The following PIAS1 variants were observed in gnomAD, a reference collection of about 807,000 sequenced individuals.
The protein encoded by PIAS1 is E3 SUMO-protein ligase PIAS1.
PIAS1 carries 6 observed loss-of-function variants against 71.3 expected under a neutral mutation model. The observed-to-expected ratio is 0.08, with a 90% CI of 0.05 to 0.17. The LOEUF (loss-of-function observed/expected upper bound fraction) is 0.17, where lower values mean the gene tolerates loss of function less well. PIAS1 is among the 10% of genes least tolerant of loss of function. The probability of loss-of-function intolerance (pLI) is 1.00; values close to 1 mark genes in which losing one functional copy is unlikely to be tolerated. For missense variants in PIAS1, 555 were observed against 793.6 expected, an observed-to-expected ratio of 0.70 and a Z score of 3.61; for synonymous variants, 303 against 292.9, an observed-to-expected ratio of 1.03 and a Z score of -0.35.
At chr15:68,136,769 C>A (rs1210798629) in intron 2 of PIAS1, among the ~76,000 whole-genome samples, 1 of 152,036 alleles carries the variant, frequency 6.6e-6, no homozygotes, top group African/African-American at 2.4e-5. Flanking sequence ...ACATAAAAAT[C>A]TTTTATATCA....
rs1269286574 is a variant in PIAS1 at position 68,175,888 on chromosome 15, A to C, written c.1300+121A>C. The C allele has an allele frequency of 1.3e-5, 7 of 537,610 alleles. No homozygotes were observed. The East Asian group carries it at 1.9e-4, about 14-fold the overall frequency. The allele number at this position is 537,610 out of a possible 1,614,324, so 33.3% of individuals were successfully genotyped here. On this transcript the variant is annotated intron_variant, in intron 10 of 13. Transcript: ENST00000249636. ...GTTTGTGGATAGCTTAATAATTCCTATTAACTTATTGATTAAATGTTCAGA... is the reference window on the plus strand; with the variant it reads ...GTTTGTGGATAGCTTAATAATTCCTCTTAACTTATTGATTAAATGTTCAGA...
At chr15:68,108,911 T>G (rs965317849) in intron 2 of PIAS1, among the ~76,000 whole-genome samples, 1 of 152,242 alleles carries the variant, frequency 6.6e-6, no homozygotes, top group African/African-American at 2.4e-5. Flanking sequence ...CCTGGATTAT[T>G]ATGTTAATCT....
chr15:68,097,519 GCCT>G (rs1413483864), intron 2 of PIAS1, among the ~76,000 whole-genome samples: 1 of 152,048 alleles, frequency 6.6e-6, no homozygotes, highest in East Asian at 1.9e-4. Context: ...TGCAACCTCT[GCCT>G]CCTCAGTTCA....
chr15:68,186,339 A>G lies in PIAS1; in HGVS notation c.1663-1203A>G, dbSNP rs2093087532. 6.6e-6 allele frequency among the ~76,000 whole-genome samples: 1 copy of G among 152,248 alleles called. No individual in the cohort carries two copies. The highest frequency in any genetic ancestry group is 1.5e-5 in the Non-Finnish European group (1 of 68,042). On this transcript the variant is annotated intron_variant, in intron 13 of 13. Coordinates refer to ENST00000249636, the MANE Select transcript of PIAS1 (RefSeq NM_016166.3). This position sits in a 1 kb window ranked among gnomAD's most constrained non-coding sequence, Gnocchi z 4.4. ...ATTTTTAACAAAAAAGTTAAAAAGT[A>G]AAAAATATTTTAAAATGTTAAAAAT...
chr15:68,169,383 A>G (rs2092976376), intron 8 of PIAS1, among the ~76,000 whole-genome samples: 1 of 152,326 alleles, frequency 6.6e-6, no homozygotes, highest in African/African-American at 2.4e-5. Context: ...AAATCAAATC[A>G]TAAAAAATTG....
intron 2 of PIAS1, among the ~76,000 whole-genome samples, chr15:68,090,898 T>A (rs534562357): frequency 6.6e-6 from 1 of 151,900 alleles, no homozygotes; most frequent in East Asian, 1.9e-4. Flanking sequence ...AAAATACTTC[T>A]GTGGTATTCT....
chr15:68,140,616 AG>A (rs1300322162), intron 2 of PIAS1, among the ~76,000 whole-genome samples: 1 of 152,224 alleles, frequency 6.6e-6, no homozygotes, highest in Admixed American at 6.5e-5. Flanking sequence ...ATGTTGAGAT[AG>A]AATTCTAGAT....
intron 1 of PIAS1, among the ~76,000 whole-genome samples, chr15:68,073,742 G>A (rs1036250074): frequency 6.6e-6 from 1 of 152,158 alleles, no homozygotes; most frequent in African/African-American, 2.4e-5. Context: ...ATGCTAAGGA[G>A]ATGGGGCCTC....
chr15:68,119,236 C>CAAAAAA (rs1567049943), intron 2 of PIAS1, among the ~76,000 whole-genome samples: 4 of 698 alleles, frequency 5.7e-3, no homozygotes, highest in Non-Finnish European at 0.017. Context: ...CCCATCTCTA[C>CAAAAAA]CAAAAAAAAA....
intron 1 of PIAS1, among the ~76,000 whole-genome samples, chr15:68,063,679 A>G (rs1205653035): frequency 6.6e-6 from 1 of 152,196 alleles, no homozygotes; most frequent in Non-Finnish European, 1.5e-5. Context: ...CAAGTAATGC[A>G]TCAGTTCTTA....
chr15:68,151,901 A>G (rs1228645295), intron 6 of PIAS1, among the ~76,000 whole-genome samples: 2 of 148,350 alleles, frequency 1.3e-5, no homozygotes, highest in African/African-American at 2.5e-5. Flanking sequence ...TGTCAATGCT[A>G]TATCAGATTA....
intron 1 of PIAS1, chr15:68,061,294 T>G (rs929342215): frequency 1.3e-5 from 2 of 152,260 alleles, no homozygotes; most frequent in Non-Finnish European, 2.9e-5. Context: ...GTAGTATTAA[T>G]TGCCACTGCA....
chr15:68,183,849 G>A (rs1322376467), intron 13 of PIAS1, among the ~76,000 whole-genome samples, 182 bp downstream of exon 13: 2 of 152,120 alleles, frequency 1.3e-5, no homozygotes, highest in East Asian at 1.9e-4. Context: ...TTACTCACAT[G>A]TTTGTGGTGT....
intron 12 of PIAS1, among the ~76,000 whole-genome samples, chr15:68,182,421 A>G (rs2093058814): frequency 9.1e-6 from 1 of 109,474 alleles, no homozygotes; most frequent in Non-Finnish European, 1.9e-5. Context: ...GGGAAGTTAC[A>G]GCTAGTGTGT....
chr15:68,140,299 T>C (rs1015749023), intron 2 of PIAS1, among the ~76,000 whole-genome samples: 4 of 152,224 alleles, frequency 2.6e-5, no homozygotes, highest in Admixed American at 6.5e-5. Flanking sequence ...CTTGAGAAAT[T>C]ATTTTAGCAC....
Position 68,189,879 on chromosome 15 carries a change from A to G in PIAS1, c.*2044A>G, listed in dbSNP as rs1394494082. ...TTAATTTAGGCTAATTTCTAATACT[A>G]CCATAATTTGTGTCTAAATTTCTGT... is the stretch of plus-strand genomic sequence containing the variant. On this transcript the variant is annotated 3_prime_UTR_variant, in exon 14 of 14. Coordinates refer to ENST00000249636, the MANE Select transcript of PIAS1 (RefSeq NM_016166.3). 1 of 152,184 alleles carries G rather than the reference A, an allele frequency of 6.6e-6. No homozygotes were observed. The highest frequency in any genetic ancestry group is 1.5e-5 in the Non-Finnish European group (1 of 68,036). 9.4% of individuals were successfully genotyped at this position (152,184 alleles called of 1,614,324 possible).
In PIAS1 at chr15:68,086,374, C is replaced by T. The variant is rs776821797; in HGVS notation, c.93C>T (p.His31=). The part of the protein sequence containing the change: ...VLLGYAGRNK[H]GRKHELLTKA... ...TGGGCTACGCCGGGAGAAACAAGCA[C>T]GGACGCAAACACGAACTTCTCACAA... Residue 31 remains histidine (H), a synonymous_variant, in exon 2 of 14, where the codon CAC becomes CAT. Coordinates refer to ENST00000249636, the MANE Select transcript of PIAS1 (RefSeq NM_016166.3). The surrounding 1 kb of genome is among the most constrained non-coding windows in gnomAD (Gnocchi z 7.2). 1.8e-5 allele frequency: 29 copies of T among 1,613,394 alleles called. No individual in the cohort carries two copies. The highest frequency in any genetic ancestry group is 8.8e-5 in the South Asian group (8 of 91,062).
In PIAS1 at chr15:68,187,330, TC is replaced by T. The variant is rs1352214249; in HGVS notation, c.1663-210del. On this transcript the variant is annotated intron_variant, in intron 13 of 13. Transcript: ENST00000249636. The surrounding 1 kb of genome is among the most constrained non-coding windows in gnomAD (Gnocchi z 5.3). Reference sequence around the variant, plus strand: ...AACAATAAAATTTATATTTTGTTTTTCCTCCAGTTTCAGATACAAAAATGTC... The same window carrying T: ...AACAATAAAATTTATATTTTGTTTTTCTCCAGTTTCAGATACAAAAATGTC... Among the ~76,000 whole-genome samples, 2 of 152,178 alleles carry T rather than the reference TC, an allele frequency of 1.3e-5. No homozygotes were observed. The highest frequency in any genetic ancestry group is 1.5e-5 in the Non-Finnish European group (1 of 68,030).
At chr15:68,179,564 C>CTTTTTTTTT (rs766344324) in intron 11 of PIAS1, among the ~76,000 whole-genome samples, 1,163 of 40,068 alleles carry the variant, frequency 0.029, 373 homozygotes, top group Middle Eastern at 0.038. Context: ...GTGAAATGTT[C>CTTTTTTTTT]TTTTTTTTTT....
Sources: allele counts gnomAD v4.1 joint callset (sites outside exome capture counted in the v4.1 genomes callset), GRCh38; gene constraint gnomAD v4.1.1; non-coding constraint Gnocchi (gnomAD v3.1); transcripts MANE v1.5; gene names NCBI Gene and HGNC (gene_info 2026-07-23, HGNC 2026-07-21).